The following WBP1L variants were observed in gnomAD, a reference collection of about 807,000 sequenced individuals.
The protein encoded by WBP1L is WW domain binding protein 1 like.
A neutral mutation model predicts 33.7 loss-of-function variants in WBP1L; 17 were observed. The ratio of observed to expected loss-of-function variants is 0.50; its 90% confidence interval spans 0.34 to 0.76. The LOEUF (loss-of-function observed/expected upper bound fraction) is 0.76. Among genes scored for constraint, WBP1L ranks in the 30% least tolerant of loss-of-function variants. The pLI, the probability that WBP1L is intolerant of heterozygous loss-of-function variation, is 0.01. For synonymous variants in WBP1L, 173 were observed against 190.8 expected, an observed-to-expected ratio of 0.91 and a Z score of 0.77; for missense variants, 389 against 469.4, an observed-to-expected ratio of 0.83 and a Z score of 1.58.
rs1325378242 is a variant in WBP1L, at chr10:102,744,156, G to A, written c.90+13G>A. The stretch of plus-strand genomic sequence containing the variant: ...TGAACCCCCGCAGGTAAGGGGGAGG[G>A]GGCGTCTGGGCCATGTTGGGTCCTG... On this transcript the variant is annotated intron_variant, in intron 1 of 3. Transcript: ENST00000448841. 4 of 1,545,386 alleles carry A rather than the reference G, an allele frequency of 2.6e-6. No individual in the cohort carries two copies. Among genetic ancestry groups the A allele is most frequent in the Middle Eastern group, 1.8e-4 (1 of 5,650 alleles).
chr10:102,812,475 C>T, intron 3 of WBP1L, 120 bp from the exon 4 acceptor site: 1 of 1,195,356 alleles, frequency 8.4e-7, no homozygotes. Flanking sequence ...GAGCTGTAGC[C>T]ATCACTTGTT....
At chr10:102,752,341 T>C (rs1842932411) in intron 1 of WBP1L, among the ~76,000 whole-genome samples, 1 of 152,120 alleles carries the variant, frequency 6.6e-6, no homozygotes, top group Non-Finnish European at 1.5e-5. Context: ...CAACATAGCA[T>C]TGTGAAGTGT....
intron 1 of WBP1L, among the ~76,000 whole-genome samples, chr10:102,797,112 G>A (rs761620538): frequency 2.6e-5 from 4 of 152,116 alleles, no homozygotes; most frequent in African/African-American, 4.8e-5. Flanking sequence ...TGAGCAGTTC[G>A]GCCCTTTATT....
intron 1 of WBP1L, among the ~76,000 whole-genome samples, chr10:102,763,069 T>A (rs796749759): frequency 3.3e-4 from 50 of 152,168 alleles, no homozygotes; most frequent in African/African-American, 1.1e-3. Context: ...CTGGGTGGTG[T>A]GGCTCATGCC....
At chr10:102,798,796 T>C (rs1416126481) in intron 2 of WBP1L, among the ~76,000 whole-genome samples, 2 of 152,228 alleles carry the variant, frequency 1.3e-5, no homozygotes, top group South Asian at 2.1e-4. Context: ...ATGGTCACTA[T>C]GCCATTTTCT....
At chr10:102,750,073 C>T (rs961682920) in intron 1 of WBP1L, among the ~76,000 whole-genome samples, 6 of 151,640 alleles carry the variant, frequency 4.0e-5, no homozygotes, top group Admixed American at 3.3e-4. Context: ...TTAGCGACCA[C>T]GCCTGGCTGC....
At chr10:102,790,038 G>A (rs912244666) in intron 1 of WBP1L, among the ~76,000 whole-genome samples, 3 of 151,900 alleles carry the variant, frequency 2.0e-5, no homozygotes, top group Non-Finnish European at 4.4e-5. Context: ...ACGCCCGGCC[G>A]AAATTTTGTA....
At position 102,812,831 on chromosome 10, in the gene WBP1L, C is replaced by G. The variant is rs2134071450; in HGVS notation, c.592C>G (p.Pro198Ala). Reference sequence around the variant, plus strand: ...CACAAGACCCCCAAGCATCGCTGACCCTGATCCCTCTGACCTACCAGTTGA... The same window carrying G: ...CACAAGACCCCCAAGCATCGCTGACGCTGATCCCTCTGACCTACCAGTTGA... ...SSTRPPSIAD[P>A]DPSDLPVDRA... is the part of the protein sequence containing the mutation. The change falls in exon 4 of 4, where the codon CCT becomes GCT. Residue 198 changes from proline to alanine, a missense_variant. Transcript: ENST00000448841. 2 of 1,589,194 alleles carry G rather than the reference C, an allele frequency of 1.3e-6. No homozygotes were observed. The highest frequency in any genetic ancestry group is 2.3e-5 in the South Asian group (2 of 87,554).
intron 3 of WBP1L, among the ~76,000 whole-genome samples, chr10:102,812,274 A>C (rs1416914923): frequency 6.6e-6 from 1 of 152,250 alleles, no homozygotes; most frequent in Non-Finnish European, 1.5e-5. Context: ...CATTCCAGGC[A>C]GAAGTTATTT....
intron 2 of WBP1L, among the ~76,000 whole-genome samples, chr10:102,807,607 C>T (rs1305481628): frequency 3.3e-5 from 5 of 152,022 alleles, no homozygotes; most frequent in Admixed American, 6.6e-5. Flanking sequence ...CTCTTGATGT[C>T]GTGATCCGCC....
rs59486422 is a variant in WBP1L at position 102,775,117 on chromosome 10, CAAA to C, written c.91-22854_91-22852del. 8.3e-3 allele frequency among the ~76,000 whole-genome samples: 803 copies of C among 97,268 alleles called. 7 individuals carry two copies. Among genetic ancestry groups the C allele is most frequent in the African/African-American group, 0.033 (758 of 23,036 alleles). The allele number at this position is 97,268 out of a possible 152,430, so 63.8% of individuals were successfully genotyped here. A position where few individuals can be genotyped will look rare whatever the true frequency, so the allele number is the denominator to read the frequency against. ...TGGGTAACAGAGTGAGACCCTATCTCAAAAAAAAAAAAAAAAAAAAAAAAGTAA... is the reference window on the plus strand; with the variant it reads ...TGGGTAACAGAGTGAGACCCTATCTCAAAAAAAAAAAAAAAAAAAAAGTAA... On this transcript the variant is annotated intron_variant, in intron 1 of 3. Transcript: ENST00000448841.
chr10:102,796,072 A>C (rs1400803489), intron 1 of WBP1L, among the ~76,000 whole-genome samples: 1 of 152,180 alleles, frequency 6.6e-6, no homozygotes, highest in African/African-American at 2.4e-5. Context: ...TGAATGGCAT[A>C]CATGGCCAGT....
At chr10:102,766,194 C>T (rs918017239) in intron 1 of WBP1L, among the ~76,000 whole-genome samples, 7 of 151,914 alleles carry the variant, frequency 4.6e-5, no homozygotes, top group Non-Finnish European at 1.0e-4. Flanking sequence ...GTAATCCCAG[C>T]ACTTTGGGAG....
intron 1 of WBP1L, among the ~76,000 whole-genome samples, chr10:102,795,233 C>T (rs111591343): frequency 0.012 from 1,770 of 152,220 alleles, 26 homozygotes; most frequent in African/African-American, 0.039. Context: ...ATGTAAGTTC[C>T]GAGCAGTTTA....
intron 1 of WBP1L, among the ~76,000 whole-genome samples, chr10:102,767,028 T>C (rs1843120489): frequency 6.6e-6 from 1 of 152,132 alleles, no homozygotes; most frequent in Non-Finnish European, 1.5e-5. Flanking sequence ...GCCAGTATGG[T>C]TGGGGTTAAA....
At position 102,776,862 on chromosome 10, in the gene WBP1L, C is replaced by T. The variant is rs4147156; in HGVS notation, c.91-21131C>T. Among the ~76,000 whole-genome samples the T allele has an allele frequency of 8.5e-5, 13 of 152,132 alleles. No homozygotes were observed. In the East Asian group the frequency reaches 2.5e-3, roughly 29 times the overall value. ...TGTGTTGGGGGTGGGGTGAGGGCTC[C>T]GTTCTTCTTTTAAAGGAAAGGCTTT... On this transcript the variant is annotated intron_variant, in intron 1 of 3. Transcript: ENST00000448841.
chr10:102,766,459 A>AG (rs1843111509), intron 1 of WBP1L, among the ~76,000 whole-genome samples: 2 of 150,614 alleles, frequency 1.3e-5, no homozygotes, highest in East Asian at 3.9e-4. Flanking sequence ...AAAAAAAAAA[A>AG]AAAGGAAAAA....
chr10:102,792,576 CTT>C (rs1180644830), intron 1 of WBP1L, among the ~76,000 whole-genome samples: 1 of 142,172 alleles, frequency 7.0e-6, no homozygotes, highest in East Asian at 2.0e-4. Flanking sequence ...TTCCTAGTTA[CTT>C]TTTTTTTTCT....
intron 1 of WBP1L, among the ~76,000 whole-genome samples, chr10:102,793,337 C>A (rs554852634): frequency 1.1e-4 from 16 of 152,154 alleles, no homozygotes; most frequent in African/African-American, 3.1e-4. Flanking sequence ...CCTAGCTACT[C>A]GGGAGGCTGA....
Sources: gnomAD v4.1 joint callset for allele counts (sites outside exome capture counted in the v4.1 genomes callset) on GRCh38, gnomAD v4.1.1 for gene constraint, MANE v1.5 for transcripts, NCBI Gene and HGNC (gene_info 2026-07-23, HGNC 2026-07-21) for gene names.